The following AGPS variants were observed in gnomAD, a reference collection of about 807,000 sequenced individuals.
AGPS encodes the protein alkylglycerone phosphate synthase.
Under a neutral mutation model 90.7 loss-of-function variants are expected in AGPS, and 26 were observed. That is an observed-to-expected ratio of 0.29 (90% CI 0.21 to 0.40). AGPS has a LOEUF of 0.40. Among genes scored for constraint, AGPS ranks in the 10% least tolerant of loss-of-function variants. The probability of loss-of-function intolerance (pLI) is 1.00; values close to 1 mark genes in which losing one functional copy is unlikely to be tolerated. For missense variants in AGPS, 540 were observed against 816.1 expected, an observed-to-expected ratio of 0.66 and a Z score of 4.12; for synonymous variants, 294 against 285.3, an observed-to-expected ratio of 1.03 and a Z score of -0.31.
intron 19 of AGPS, among the ~76,000 whole-genome samples, chr2:177,535,057 T>C (rs1399242562): frequency 6.6e-6 from 1 of 152,220 alleles, no homozygotes; most frequent in East Asian, 1.9e-4. Flanking sequence ...CTTGGCTTTT[T>C]GTAGCTCTAG....
chr2:177,438,817 C>T (rs186037847), intron 5 of AGPS, among the ~76,000 whole-genome samples: 38 of 152,170 alleles, frequency 2.5e-4, no homozygotes, highest in African/African-American at 2.2e-4. Flanking sequence ...AATAGTTTCC[C>T]GACAAGTTAT....
chr2:177,420,458 T>C (rs1685911961), intron 2 of AGPS, 100 bp downstream of exon 2: 1 of 895,402 alleles, frequency 1.1e-6, no homozygotes, highest in Admixed American at 1.8e-5. Flanking sequence ...TCCTTGAGTT[T>C]AAACATTATC....
chr2:177,400,412 G>A (rs1039979006), intron 1 of AGPS, among the ~76,000 whole-genome samples: 4 of 151,906 alleles, frequency 2.6e-5, no homozygotes, highest in Admixed American at 6.6e-5. Context: ...TCAATTTTTT[G>A]TATAGTTTTC....
At chr2:177,407,792 CTT>C (rs66559811) in intron 1 of AGPS, among the ~76,000 whole-genome samples, 571 of 139,152 alleles carry the variant, frequency 4.1e-3, no homozygotes, top group Non-Finnish European at 4.4e-3. Flanking sequence ...AACAAATTTC[CTT>C]TTTTTTTTTT....
intron 2 of AGPS, among the ~76,000 whole-genome samples, chr2:177,431,818 T>G (rs1686252714): frequency 6.6e-6 from 1 of 152,210 alleles, no homozygotes; most frequent in African/African-American, 2.4e-5. Context: ...TCTGATTTCA[T>G]ATTGTTCAAA....
chr2:177,538,262 T>C lies in AGPS; in HGVS notation c.*67T>C. The C allele has an allele frequency of 1.4e-6, 2 of 1,452,630 alleles. No homozygotes were observed. The highest frequency in any genetic ancestry group is 1.9e-6 in the Non-Finnish European group (2 of 1,036,818). 90.0% of individuals were successfully genotyped at this position (1,452,630 alleles called of 1,614,324 possible). The stretch of plus-strand genomic sequence containing the variant: ...AAGTTTTCAACTGTGGTTATACTAG[T>C]AATCAAATATATCATGGACTATATT... On this transcript the variant is annotated 3_prime_UTR_variant, in exon 20 of 20. Coordinates refer to ENST00000264167, the MANE Select transcript of AGPS (RefSeq NM_003659.4).
intron 1 of AGPS, among the ~76,000 whole-genome samples, chr2:177,417,878 T>C (rs115590208): frequency 3.9e-5 from 6 of 152,266 alleles, no homozygotes; most frequent in African/African-American, 1.2e-4. Context: ...TATATACTAG[T>C]AATTTGGTGG....
At chr2:177,534,469 T>A (rs1309329003) in intron 19 of AGPS, among the ~76,000 whole-genome samples, 1 of 152,160 alleles carries the variant, frequency 6.6e-6, no homozygotes, top group Non-Finnish European at 1.5e-5. Flanking sequence ...ACTTGTTTGA[T>A]CCAGTCTCTA....
intron 1 of AGPS, among the ~76,000 whole-genome samples, chr2:177,417,069 A>G (rs776620848): frequency 4.9e-4 from 75 of 152,306 alleles, no homozygotes; most frequent in Non-Finnish European, 1.0e-3. Flanking sequence ...TTGGCTTCTG[A>G]CACAAACATA....
chr2:177,465,693 G>A (rs149671636), intron 9 of AGPS, among the ~76,000 whole-genome samples: 156 of 152,360 alleles, frequency 1.0e-3, no homozygotes, highest in South Asian at 1.4e-3. Context: ...TCCATTGGTG[G>A]CACCAGGGAA....
rs1408391069 is a variant in AGPS at position 177,543,800 on chromosome 2, A to ATG, written c.*5608_*5609dup. 1 of 152,156 alleles carries ATG rather than the reference A, an allele frequency of 6.6e-6. No homozygotes were observed. Among genetic ancestry groups the ATG allele is most frequent in the Non-Finnish European group, 1.5e-5 (1 of 68,032 alleles). 9.4% of individuals were successfully genotyped at this position (152,156 alleles called of 1,614,324 possible). On this transcript the variant is annotated 3_prime_UTR_variant, in exon 20 of 20. Coordinates refer to ENST00000264167, the MANE Select transcript of AGPS (RefSeq NM_003659.4). ...CAAATGCCCATGTGTGATTTTTAAG[A>ATG]TGTGCTGGGGAAAAATAAATCAATA...
chr2:177,511,499 G>C (rs921387708), intron 16 of AGPS, among the ~76,000 whole-genome samples: 1 of 152,032 alleles, frequency 6.6e-6, no homozygotes, highest in Admixed American at 6.6e-5. Flanking sequence ...AAAAAAGAAG[G>C]CCTAAGAAAG....
chr2:177,521,015 A>G (rs1483705185), intron 17 of AGPS, among the ~76,000 whole-genome samples: 1 of 152,250 alleles, frequency 6.6e-6, no homozygotes, highest in East Asian at 1.9e-4. Context: ...TTGAATATGT[A>G]CCTATAATAT....
intron 1 of AGPS, among the ~76,000 whole-genome samples, chr2:177,407,459 A>G (rs1216930339): frequency 6.6e-6 from 1 of 152,182 alleles, no homozygotes; most frequent in Non-Finnish European, 1.5e-5. Flanking sequence ...CAATCATGGC[A>G]GAAGATGAAG....
At chr2:177,405,126 G>A (rs1685430309) in intron 1 of AGPS, among the ~76,000 whole-genome samples, 1 of 152,196 alleles carries the variant, frequency 6.6e-6, no homozygotes, top group Admixed American at 6.5e-5. Flanking sequence ...ATTTGCTGCA[G>A]GCTTCTCTAA....
intron 1 of AGPS, among the ~76,000 whole-genome samples, chr2:177,400,080 T>C (rs1685291849): frequency 1.3e-5 from 2 of 152,236 alleles, no homozygotes; most frequent in Non-Finnish European, 2.9e-5. Flanking sequence ...CTAGTGTTTT[T>C]ATAGATATTA....
At chr2:177,517,945 A>C (rs1408906519) in intron 17 of AGPS, among the ~76,000 whole-genome samples, 3 of 152,192 alleles carry the variant, frequency 2.0e-5, no homozygotes, top group Non-Finnish European at 4.4e-5. Flanking sequence ...TCTTGTGATC[A>C]AATTCAAGTT....
chr2:177,512,320 A>G (rs547596007), intron 16 of AGPS, among the ~76,000 whole-genome samples: 7 of 152,276 alleles, frequency 4.6e-5, no homozygotes, highest in African/African-American at 9.6e-5. Flanking sequence ...TTGATAAGTC[A>G]TGTATACCTG....
At position 177,392,816 on chromosome 2, in the gene AGPS, T is replaced by C; in HGVS notation, c.27T>C (p.Gly9=). The change falls in exon 1 of 20, where the codon GGT becomes GGC. Residue 9 remains glycine (G), a synonymous_variant. Transcript: ENST00000264167. ...TGGCGGAGGCGGCGGCTGCAGCGGG[T>C]GGGACTGGCTTGGGCGCGGGCGCGA... MAEAAAAA[G]GTGLGAGASY... 1 of 1,537,216 alleles carries C rather than the reference T, an allele frequency of 6.5e-7. No individual in the cohort carries two copies. Among genetic ancestry groups the C allele is most frequent in the South Asian group, 1.2e-5 (1 of 81,576 alleles).
Sources: allele counts gnomAD v4.1 joint callset (sites outside exome capture counted in the v4.1 genomes callset), GRCh38; gene constraint gnomAD v4.1.1; transcripts MANE v1.5; gene names NCBI Gene and HGNC (gene_info 2026-07-23, HGNC 2026-07-21).